Variants in M1AP observed in about 807,000 individuals in gnomAD.
The protein encoded by M1AP is meiosis 1 arrest protein.
M1AP carries 39 observed loss-of-function variants against 51.2 expected under a neutral mutation model. That is an observed-to-expected ratio of 0.76 (90% CI 0.59 to 1.00). The LOEUF (loss-of-function observed/expected upper bound fraction) is 1.00, where lower values mean the gene tolerates loss of function less well. M1AP is among the 50% of genes least tolerant of loss of function. The pLI, the probability that M1AP is intolerant of heterozygous loss-of-function variation, is 0.00. For missense variants in M1AP, 545 were observed against 641.2 expected (o/e 0.85, Z 1.62); for synonymous variants, 251 against 249.2 (o/e 1.01, Z -0.07).
intron 10 of M1AP, among the ~76,000 whole-genome samples, chr2:74,559,178 TG>T (rs1441535762): frequency 1.1e-4 from 16 of 150,280 alleles, no homozygotes; most frequent in African/African-American, 3.9e-4. Context: ...TTTTTTTTTT[TG>T]ACAGGATCTT....
chr2:74,643,590 C>CT (rs1161305967), intron 1 of M1AP, among the ~76,000 whole-genome samples: 11,534 of 130,066 alleles, frequency 0.089, 1,490 homozygotes, highest in African/African-American at 0.28. Context: ...TGGTAATGTT[C>CT]TTTTTTTTTT....
At position 74,586,079 on chromosome 2, in the gene M1AP, T is replaced by C. The variant is rs79989899; in HGVS notation, c.596-4232A>G. Among the ~76,000 whole-genome samples, 25 of 152,350 alleles carry C rather than the reference T, an allele frequency of 1.6e-4. No homozygotes were observed. The East Asian group carries it at 4.8e-3, about 29-fold the overall frequency. On this transcript the variant is annotated intron_variant, in intron 4 of 10. Transcript: ENST00000421985. ...ACTATTTCCTCCTCATCACTACCTG[T>C]TGAGATATTGCCATCCTTGAAGACC...
intron 7 of M1AP, among the ~76,000 whole-genome samples, chr2:74,575,071 A>G (rs528114859): frequency 2.6e-5 from 4 of 152,334 alleles, no homozygotes; most frequent in African/African-American, 7.2e-5. Flanking sequence ...GGCTTGACAC[A>G]ATGTCTGGCA....
At chr2:74,648,100 C>G (rs2104876488) in intron 1 of M1AP, 165 bp downstream of exon 1, 1 of 985,120 alleles carries the variant, frequency 1.0e-6, no homozygotes, top group Non-Finnish European at 1.2e-6. Context: ...ACAGCGATTT[C>G]GGAGCCTCTC....
intron 2 of M1AP, chr2:74,619,329 GA>G: frequency 5.4e-6 from 1 of 186,798 alleles, no homozygotes. Context: ...TGTCAAATAT[GA>G]AAATAGCTGG....
chr2:74,576,744 G>A, intron 5 of M1AP, 126 bp from the exon 6 acceptor site: 2 of 1,276,976 alleles, frequency 1.6e-6, no homozygotes, highest in Non-Finnish European at 2.2e-6. Context: ...TACCAGGCAA[G>A]CAAGGGATAG....
At chr2:74,599,066 T>G (rs956979501) in intron 4 of M1AP, among the ~76,000 whole-genome samples, 5 of 151,980 alleles carry the variant, frequency 3.3e-5, no homozygotes, top group African/African-American at 1.2e-4. Context: ...TCACCTGAGG[T>G]CAGGAGTTCG....
rs2104692219 is a variant in M1AP at position 74,604,531 on chromosome 2, T to A, written c.595+2524A>T. On this transcript the variant is annotated intron_variant, in intron 4 of 10. Transcript: ENST00000421985. ...GGTTTGCTCTCCTATAAGGATCTAA[T>A]GCCACAGCTGATCTGACAGGAGGTG... is the stretch of plus-strand genomic sequence containing the variant. 2.6e-5 allele frequency among the ~76,000 whole-genome samples: 4 copies of A among 152,310 alleles called. 1 individual carries two copies. The South Asian group carries it at 8.3e-4, about 32-fold the overall frequency.
chr2:74,561,565 T>C (rs1678015457), intron 8 of M1AP, among the ~76,000 whole-genome samples: 3 of 152,120 alleles, frequency 2.0e-5, no homozygotes, highest in Non-Finnish European at 4.4e-5. Context: ...CGAAAACCCA[T>C]ACAAAGGCTG....
chr2:74,586,790 C>T (rs1180472191), intron 4 of M1AP, among the ~76,000 whole-genome samples: 3 of 151,952 alleles, frequency 2.0e-5, no homozygotes, highest in African/African-American at 4.8e-5. Flanking sequence ...CACCTAAAGT[C>T]GGGAGTTTGA....
chr2:74,629,621 G>A (rs1682589776), intron 2 of M1AP, among the ~76,000 whole-genome samples: 1 of 151,898 alleles, frequency 6.6e-6, no homozygotes, highest in South Asian at 2.1e-4. Context: ...GTGCGGTGGC[G>A]GGCACCTGTA....
At chr2:74,579,595 AT>A (rs1016791506) in intron 5 of M1AP, among the ~76,000 whole-genome samples, 12 of 152,094 alleles carry the variant, frequency 7.9e-5, no homozygotes, top group Non-Finnish European at 1.2e-4. Flanking sequence ...GTAATATTGT[AT>A]TTAATTGATT....
At chr2:74,591,330 C>G (rs1428341950) in intron 4 of M1AP, among the ~76,000 whole-genome samples, 1 of 152,132 alleles carries the variant, frequency 6.6e-6, no homozygotes, top group Non-Finnish European at 1.5e-5. Flanking sequence ...AGATTGATCA[C>G]TATTGATTGA....
At chr2:74,628,555 C>G in intron 2 of M1AP, 1 of 531,554 alleles carries the variant, frequency 1.9e-6, no homozygotes, top group South Asian at 1.6e-5. Flanking sequence ...ACTGTAAGTC[C>G]CAATCAAAAG....
intron 1 of M1AP, among the ~76,000 whole-genome samples, chr2:74,643,413 T>C (rs916259993): frequency 6.6e-6 from 1 of 152,158 alleles, no homozygotes; most frequent in Non-Finnish European, 1.5e-5. Context: ...ATCTACATTT[T>C]AAAAATAAGC....
chr2:74,560,652 G>A (rs959635987), intron 8 of M1AP, among the ~76,000 whole-genome samples: 2 of 152,226 alleles, frequency 1.3e-5, no homozygotes, highest in Admixed American at 1.3e-4. Context: ...GCAGGGCAGG[G>A]TGCTCACAGC....
At position 74,576,440 on chromosome 2, in the gene M1AP, T is replaced by C; in HGVS notation, c.932+16A>G. On this transcript the variant is annotated intron_variant, in intron 6 of 10. Coordinates refer to ENST00000421985, the MANE Select transcript of M1AP (RefSeq NM_001321739.2). ...ATAGCATTTGCATGGATTGGGGAGGTTCCCTTGGACCATACTTGATCACTT... is the reference window on the plus strand; with the variant it reads ...ATAGCATTTGCATGGATTGGGGAGGCTCCCTTGGACCATACTTGATCACTT... 1 of 1,612,156 alleles carries C rather than the reference T, an allele frequency of 6.2e-7. No individual in the cohort carries two copies. The highest frequency in any genetic ancestry group is 2.2e-5 in the East Asian group (1 of 44,836).
Position 74,594,182 on chromosome 2 carries a change from T to C in M1AP, c.596-12335A>G, listed in dbSNP as rs989832463. Among the ~76,000 whole-genome samples the C allele has an allele frequency of 1.6e-4, 25 of 152,270 alleles. 1 individual carries two copies. The highest frequency in any genetic ancestry group is 8.5e-4 in the Admixed American group (13 of 15,292). ...AAAATCAACACTTTTCAGAGCAATA[T>C]AATAGAATCCAGAGTCTTTATAACA... On this transcript the variant is annotated intron_variant, in intron 4 of 10. Transcript: ENST00000421985.
chr2:74,565,721 C>T (rs1235703406), intron 7 of M1AP, among the ~76,000 whole-genome samples: 1 of 151,768 alleles, frequency 6.6e-6, no homozygotes, highest in African/African-American at 2.4e-5. Flanking sequence ...CCCAGCTACT[C>T]AGGAAGCTGA....
Sources: gnomAD v4.1 joint callset for allele counts (sites outside exome capture counted in the v4.1 genomes callset) on GRCh38, gnomAD v4.1.1 for gene constraint, MANE v1.5 for transcripts, NCBI Gene and HGNC (gene_info 2026-07-23, HGNC 2026-07-21) for gene names.